The following MPP7 variants were observed in gnomAD, a reference collection of about 807,000 sequenced individuals.
MPP7 encodes the protein MAGUK p55 scaffold protein 7.
In MPP7, 60 loss-of-function variants were observed where a neutral mutation model predicts 76.5. The ratio of observed to expected loss-of-function variants is 0.78; its 90% confidence interval spans 0.64 to 0.97. The LOEUF (loss-of-function observed/expected upper bound fraction) is 0.97. Among genes scored for constraint, MPP7 ranks in the 50% least tolerant of loss-of-function variants. MPP7 has a pLI of 0.00. For synonymous variants in MPP7, 237 were observed against 244.5 expected, an observed-to-expected ratio of 0.97 and a Z score of 0.29; for missense variants, 641 against 694.0, an observed-to-expected ratio of 0.92 and a Z score of 0.86.
At chr10:28,310,899 A>G (rs1841286246) in intron 2 of MPP7, among the ~76,000 whole-genome samples, 1 of 152,232 alleles carries the variant, frequency 6.6e-6, no homozygotes, top group Non-Finnish European at 1.5e-5. Flanking sequence ...ATTTAAAAGT[A>G]ATGGCAAAAC....
At chr10:28,144,390 T>C (rs1835634382) in intron 5 of MPP7, among the ~76,000 whole-genome samples, 1 of 152,032 alleles carries the variant, frequency 6.6e-6, no homozygotes, top group African/African-American at 2.4e-5. Flanking sequence ...CAAATGAAAG[T>C]GGGAGAAAGG....
chr10:28,236,784 C>G (rs1279268546), intron 2 of MPP7: 1 of 152,088 alleles, frequency 6.6e-6, no homozygotes, highest in Non-Finnish European at 1.5e-5. Context: ...AACTCTGTTC[C>G]CCTGGAACTA....
intron 3 of MPP7, among the ~76,000 whole-genome samples, chr10:28,164,569 T>G (rs903084329): frequency 3.9e-5 from 6 of 152,138 alleles, no homozygotes; most frequent in Non-Finnish European, 8.8e-5. Flanking sequence ...TGTGTACACA[T>G]GGACAGTGTG....
At chr10:28,167,826 C>G (rs1211269068) in intron 3 of MPP7, among the ~76,000 whole-genome samples, 1 of 152,148 alleles carries the variant, frequency 6.6e-6, no homozygotes, top group African/African-American at 2.4e-5. Flanking sequence ...AAAGTTGTTC[C>G]ACATACTCAC....
chr10:28,255,563 T>C (rs998553316), intron 1 of MPP7, among the ~76,000 whole-genome samples: 3 of 151,938 alleles, frequency 2.0e-5, no homozygotes, highest in Admixed American at 2.0e-4. Flanking sequence ...TACAGGCACG[T>C]GCCACCATGC....
At chr10:28,310,876 T>G (rs1360183521) in intron 2 of MPP7, among the ~76,000 whole-genome samples, 1 of 152,218 alleles carries the variant, frequency 6.6e-6, no homozygotes, top group East Asian at 1.9e-4. Context: ...CAAAAGCAAT[T>G]GCGGGTTTTG....
chr10:28,099,841 T>C (rs1853738575), intron 11 of MPP7, among the ~76,000 whole-genome samples: 1 of 151,970 alleles, frequency 6.6e-6, no homozygotes, highest in Non-Finnish European at 1.5e-5. Flanking sequence ...ATAAAGTTCC[T>C]AAGGTTTTAA....
At chr10:28,088,321 A>T (rs1853118117) in intron 12 of MPP7, among the ~76,000 whole-genome samples, 1 of 152,094 alleles carries the variant, frequency 6.6e-6, no homozygotes, top group African/African-American at 2.4e-5. Flanking sequence ...TGTAATTCTC[A>T]ATGCTGGGGG....
chr10:28,201,246 A>G (rs1837761468), intron 3 of MPP7, among the ~76,000 whole-genome samples: 1 of 152,200 alleles, frequency 6.6e-6, no homozygotes, highest in South Asian at 2.1e-4. Context: ...AAAGAAATAT[A>G]GGAATTCTGT....
At chr10:28,248,741 A>C (rs773309952) in intron 1 of MPP7, among the ~76,000 whole-genome samples, 5 of 152,212 alleles carry the variant, frequency 3.3e-5, no homozygotes, top group Non-Finnish European at 5.9e-5. Flanking sequence ...ATACACAAAT[A>C]CTTACCACTG....
intron 3 of MPP7, among the ~76,000 whole-genome samples, chr10:28,188,187 C>T (rs1160474746): frequency 6.6e-6 from 1 of 152,084 alleles, no homozygotes; most frequent in African/African-American, 2.4e-5. Context: ...CACCAAGTGT[C>T]ATCTCTCATA....
chr10:28,330,757 T>C (rs2133192822), intron 1 of MPP7, among the ~76,000 whole-genome samples: 1 of 152,300 alleles, frequency 6.6e-6, no homozygotes, highest in Admixed American at 6.5e-5. Flanking sequence ...TGGGCTCAAA[T>C]GATTCTCTCA....
intron 2 of MPP7, among the ~76,000 whole-genome samples, chr10:28,317,424 G>C (rs1417279065): frequency 6.6e-6 from 1 of 152,072 alleles, no homozygotes; most frequent in Non-Finnish European, 1.5e-5. Context: ...TCAACTACTT[G>C]CGAGGCTGAG....
intron 1 of MPP7, among the ~76,000 whole-genome samples, chr10:28,245,268 T>C (rs890686894): frequency 2.0e-5 from 3 of 152,182 alleles, no homozygotes; most frequent in African/African-American, 7.2e-5. Context: ...TGGCATTCCC[T>C]TAAGTCCTCT....
Position 28,054,119 on chromosome 10 carries a change from A to G in MPP7, c.1677T>C (p.Phe559=), listed in dbSNP as rs1470337818. Residue 559 remains phenylalanine, a synonymous_variant, in exon 17 of 17, where the codon TTT becomes TTC. Transcript: ENST00000683449. The part of the protein sequence containing the change: ...TVAFNELKTT[F]DKLETETHWV... ...AATGGGTCTCTGTCTCTAATTTGTC[A>G]AAAGTTGTTTTGAGCTCATTGAATG... The G allele has an allele frequency of 4.3e-6, 7 of 1,613,810 alleles. No homozygotes were observed. Among genetic ancestry groups the G allele is most frequent in the Non-Finnish European group, 5.9e-6 (7 of 1,179,894 alleles).
intron 13 of MPP7, among the ~76,000 whole-genome samples, chr10:28,061,234 C>T (rs1175947088): frequency 6.6e-6 from 1 of 151,704 alleles, no homozygotes; most frequent in East Asian, 1.9e-4. Context: ...CCTGAATGAC[C>T]TGGAAGTTAG....
chr10:28,059,791 T>G (rs1851704635), intron 13 of MPP7, 48 bp from the exon 14 acceptor site: 1 of 1,227,502 alleles, frequency 8.1e-7, no homozygotes, highest in Non-Finnish European at 1.2e-6. Context: ...TCAGCCACCT[T>G]AAGGAAAATA....
At chr10:28,194,274 A>G (rs1837508185) in intron 3 of MPP7, among the ~76,000 whole-genome samples, 1 of 152,190 alleles carries the variant, frequency 6.6e-6, no homozygotes, top group African/African-American at 2.4e-5. Context: ...TCGGCCTCCC[A>G]AAGTGCTGGG....
upstream of MPP7, among the ~76,000 whole-genome samples, chr10:28,304,662 G>T (rs1353827521): frequency 6.6e-6 from 1 of 152,146 alleles, no homozygotes; most frequent in Non-Finnish European, 1.5e-5. Context: ...ATAGTTTTGA[G>T]ATCTAATATT....
Sources: gnomAD v4.1 joint callset for allele counts (sites outside exome capture counted in the v4.1 genomes callset) on GRCh38, gnomAD v4.1.1 for gene constraint, MANE v1.5 for transcripts, NCBI Gene and HGNC (gene_info 2026-07-23, HGNC 2026-07-21) for gene names.